The following ZHX3 variants were observed in gnomAD, a reference collection of about 807,000 sequenced individuals.
ZHX3 encodes zinc fingers and homeoboxes 3.
In ZHX3, 20 loss-of-function variants were observed where a neutral mutation model predicts 64.5. The ratio of observed to expected loss-of-function variants is 0.31; its 90% confidence interval spans 0.22 to 0.45. The LOEUF is 0.45. Ranked by LOEUF, ZHX3 falls within the 20% of genes least tolerant of loss-of-function variation. The pLI is 1.00. For synonymous variants in ZHX3, 423 were observed against 461.6 expected (o/e 0.92, Z 1.07); for missense variants, 1,041 against 1,195.8 (o/e 0.87, Z 1.91).
intron 2 of ZHX3, among the ~76,000 whole-genome samples, chr20:41,220,832 T>C (rs1290743672): frequency 6.6e-6 from 1 of 151,966 alleles, no homozygotes; most frequent in Non-Finnish European, 1.5e-5. Context: ...TAGCCAGTAT[T>C]ACAGATGCGT....
At chr20:41,234,592 G>A (rs1316880636) in intron 2 of ZHX3, among the ~76,000 whole-genome samples, 3 of 152,236 alleles carry the variant, frequency 2.0e-5, no homozygotes, top group Non-Finnish European at 4.4e-5. Context: ...CAGGGAACTG[G>A]CTTCTTGAGC....
chr20:41,186,055 A>C (rs149788362), intron 3 of ZHX3, among the ~76,000 whole-genome samples: 3 of 152,374 alleles, frequency 2.0e-5, no homozygotes, highest in East Asian at 1.9e-4. Context: ...ACAATTCAGT[A>C]GCATTAAGTA....
rs534212524 is a variant in ZHX3 at position 41,202,514 on chromosome 20, C to A, written c.2403G>T (p.Thr801=). The A allele has an allele frequency of 1.9e-6, 3 of 1,614,168 alleles. No individual in the cohort carries two copies. The highest frequency in any genetic ancestry group is 2.5e-6 in the Non-Finnish European group (3 of 1,180,042). The change falls in exon 3 of 4, where the codon ACG becomes ACT. Residue 801 remains threonine (T), a synonymous_variant. Coordinates refer to ENST00000683867, the MANE Select transcript of ZHX3 (RefSeq NM_001384317.1). The surrounding 1 kb of genome is among the most constrained non-coding windows in gnomAD (Gnocchi z 7.0). The part of the protein sequence containing the change: ...NQDYDSIMAQ[T]GLPRPEVVRW... ...GCACCACCTCTGGCCGTGGCAGACC[C>A]GTCTGGGCCATGATGGAGTCATAGT...
chr20:41,296,232 TAAA>T (rs57987896), intron 1 of ZHX3, among the ~76,000 whole-genome samples: 6 of 73,000 alleles, frequency 8.2e-5, no homozygotes, highest in African/African-American at 1.4e-4. Flanking sequence ...GTTCATAAAG[TAAA>T]AAAAAAAAAA....
chr20:41,204,205 G>C lies in ZHX3; in HGVS notation c.712C>G (p.Pro238Ala). Residue 238 changes from proline (P) to alanine (A), a missense_variant, in exon 3 of 4, where the codon CCA becomes GCA. Coordinates refer to ENST00000683867, the MANE Select transcript of ZHX3 (RefSeq NM_001384317.1). The surrounding 1 kb of genome is among the most constrained non-coding windows in gnomAD (Gnocchi z 6.6). ...GAGCTGGCAGATGCCTGGCTGACTG[G>C]AACTGCCCCATTGATGAAGGAATGG... ...GDHSFINGAVPVSQASASSAK... is the reference protein window; with the variant it reads ...GDHSFINGAVAVSQASASSAK... 7 of 1,612,230 alleles carry C rather than the reference G, an allele frequency of 4.3e-6. No homozygotes were observed. Among genetic ancestry groups the C allele is most frequent in the Non-Finnish European group, 5.9e-6 (7 of 1,179,040 alleles).
At chr20:41,258,906 T>G (rs534767018) in intron 2 of ZHX3, among the ~76,000 whole-genome samples, 1 of 152,330 alleles carries the variant, frequency 6.6e-6, no homozygotes, top group East Asian at 1.9e-4. Context: ...TCCAAGAGAT[T>G]AGTTGATATG....
intron 1 of ZHX3, among the ~76,000 whole-genome samples, chr20:41,283,767 A>C (rs954906600): frequency 3.3e-5 from 5 of 152,092 alleles, no homozygotes; most frequent in African/African-American, 4.8e-5. Context: ...AAAAAAAAAA[A>C]AATCACTTTT....
rs1326818704 is a variant in ZHX3, at chr20:41,271,703, G to A, written c.-244-2620C>T. Among the ~76,000 whole-genome samples, 3 of 152,106 alleles carry A rather than the reference G, an allele frequency of 2.0e-5. No individual in the cohort carries two copies. In the East Asian group the frequency reaches 5.8e-4, roughly 29 times the overall value. Reference sequence around the variant, plus strand: ...ACACTTCTAGCTTTCTGAGTAAGACGCTCTTCTCAGATCATTTGCCAGAAT... The same window carrying A: ...ACACTTCTAGCTTTCTGAGTAAGACACTCTTCTCAGATCATTTGCCAGAAT... On this transcript the variant is annotated intron_variant, in intron 1 of 3. Transcript: ENST00000683867.
rs528950115 is a variant in ZHX3, at chr20:41,218,204, G to A, written c.-150-13138C>T. On this transcript the variant is annotated intron_variant, in intron 2 of 3. Coordinates refer to ENST00000683867, the MANE Select transcript of ZHX3 (RefSeq NM_001384317.1). ...CATACCTGCAATCCCAGCACTTTGG[G>A]AGGCCAAGGAGACAGGATTGCCTGA... 4.2e-4 allele frequency among the ~76,000 whole-genome samples: 64 copies of A among 151,838 alleles called. 1 individual carries two copies. The highest frequency in any genetic ancestry group is 1.4e-3 in the African/African-American group (59 of 41,356).
At position 41,228,384 on chromosome 20, in the gene ZHX3, C is replaced by T. The variant is rs1428410579; in HGVS notation, c.-150-23318G>A. Among the ~76,000 whole-genome samples, 2 of 152,182 alleles carry T rather than the reference C, an allele frequency of 1.3e-5. No individual in the cohort carries two copies. The highest frequency in any genetic ancestry group is 2.9e-5 in the Non-Finnish European group (2 of 68,038). ...AGGTCTACTTCCTAAATCTTCATTT[C>T]ACCTCTCACCATTTGTCTTAGTCCG... On this transcript the variant is annotated intron_variant, in intron 2 of 3. Transcript: ENST00000683867. This position sits in a 1 kb window ranked among gnomAD's most constrained non-coding sequence, Gnocchi z 4.6.
At chr20:41,241,024 T>C (rs1027996301) in intron 2 of ZHX3, among the ~76,000 whole-genome samples, 1 of 152,234 alleles carries the variant, frequency 6.6e-6, no homozygotes, top group Non-Finnish European at 1.5e-5. Flanking sequence ...TTTGGGGGTA[T>C]ATACCCAGCA....
intron 2 of ZHX3, among the ~76,000 whole-genome samples, chr20:41,238,975 G>C (rs1286462682): frequency 1.3e-5 from 2 of 150,560 alleles, no homozygotes; most frequent in Non-Finnish European, 3.0e-5. Flanking sequence ...ATGAAAACAA[G>C]GGCCTATTTT....
intron 2 of ZHX3, among the ~76,000 whole-genome samples, chr20:41,218,313 C>A (rs551953404): frequency 6.6e-6 from 1 of 152,022 alleles, no homozygotes; most frequent in Non-Finnish European, 1.5e-5. Flanking sequence ...CATGGTGACA[C>A]GCATGCTTGT....
intron 1 of ZHX3, among the ~76,000 whole-genome samples, chr20:41,273,912 A>G (rs770473856): frequency 6.6e-6 from 1 of 152,200 alleles, no homozygotes; most frequent in African/African-American, 2.4e-5. Context: ...GATTGCACTG[A>G]ATCTTTACAT....
At chr20:41,198,368 T>A (rs2037938650) in intron 3 of ZHX3, among the ~76,000 whole-genome samples, 1 of 152,206 alleles carries the variant, frequency 6.6e-6, no homozygotes, top group Non-Finnish European at 1.5e-5. Context: ...CTTTAGCATT[T>A]CTGGTAGGGC....
In ZHX3 at chr20:41,267,114, T is replaced by C. The variant is rs565498257; in HGVS notation, c.-151+1876A>G. Among the ~76,000 whole-genome samples, 10 of 152,306 alleles carry C rather than the reference T, an allele frequency of 6.6e-5. No homozygotes were observed. The South Asian group carries it at 1.9e-3, about 28-fold the overall frequency. ...CACCTGCCTTGGCCTCCCAGAGTGC[T>C]GGGATTACAGGCGTGAGCCACCGGC... On this transcript the variant is annotated intron_variant, in intron 2 of 3. Coordinates refer to ENST00000683867, the MANE Select transcript of ZHX3 (RefSeq NM_001384317.1).
chr20:41,271,750 G>A (rs144691132), intron 1 of ZHX3, among the ~76,000 whole-genome samples: 254 of 152,174 alleles, frequency 1.7e-3, no homozygotes, highest in African/African-American at 5.8e-3. Context: ...CTCCTCCTTC[G>A]AAAAACAAAA....
chr20:41,315,346 C>CT lies in ZHX3; in HGVS notation c.-245+2162dup, dbSNP rs11471425. On this transcript the variant is annotated intron_variant, in intron 1 of 3. Transcript: ENST00000683867. ...TACAGGCACGCACCACCAGGCCTGG[C>CT]TTTTTTTTTTTTTTTTTTTTTTTTT... 9.7e-3 allele frequency among the ~76,000 whole-genome samples: 546 copies of CT among 56,056 alleles called. 51 individuals carry two copies. The highest frequency in any genetic ancestry group is 0.013 in the East Asian group (14 of 1,118). 36.8% of individuals were successfully genotyped at this position (56,056 alleles called of 152,430 possible).
rs1053631111 is a variant in ZHX3, at chr20:41,180,352, G to T, written c.*4839C>A. ...AGAACTTTCAGAAATTGAGGAAGGG[G>T]GTGCTTTCCCCTGTCCTTGTCCATA... On this transcript the variant is annotated 3_prime_UTR_variant, in exon 4 of 4. Transcript: ENST00000683867. 1 of 152,474 alleles carries T rather than the reference G, an allele frequency of 6.6e-6. No homozygotes were observed. Among genetic ancestry groups the T allele is most frequent in the African/African-American group, 2.4e-5 (1 of 41,434 alleles). 9.4% of individuals were successfully genotyped at this position (152,474 alleles called of 1,614,324 possible).
Sources: allele counts gnomAD v4.1 joint callset (sites outside exome capture counted in the v4.1 genomes callset), GRCh38; gene constraint gnomAD v4.1.1; non-coding constraint Gnocchi (gnomAD v3.1); transcripts MANE v1.5; gene names NCBI Gene and HGNC (gene_info 2026-07-23, HGNC 2026-07-21).